The following PARD3B variants were observed in gnomAD, a reference collection of about 807,000 sequenced individuals.
PARD3B encodes par-3 family cell polarity regulator beta.
Under a neutral mutation model 130.2 loss-of-function variants are expected in PARD3B, and 103 were observed. The ratio of observed to expected loss-of-function variants is 0.79; its 90% CI spans 0.67 to 0.93. PARD3B has a LOEUF of 0.93. PARD3B is among the 40% of genes least tolerant of loss of function. The pLI, the probability that PARD3B is intolerant of heterozygous loss-of-function variation, is 0.00. For synonymous variants in PARD3B, 583 were observed against 553.2 expected (o/e 1.05, Z -0.76); for missense variants, 1,609 against 1,499.2 (o/e 1.07, Z -1.21).
intron 20 of PARD3B, among the ~76,000 whole-genome samples, chr2:205,453,504 A>G (rs941196000): frequency 2.0e-5 from 3 of 152,210 alleles, no homozygotes; most frequent in Non-Finnish European, 4.4e-5. Context: ...GAAAGATGAC[A>G]GAAATCCTGT....
chr2:204,910,036 A>G (rs535210250), intron 2 of PARD3B, among the ~76,000 whole-genome samples: 1 of 152,254 alleles, frequency 6.6e-6, no homozygotes, highest in South Asian at 2.1e-4. Context: ...GATGATGAGT[A>G]AAGAAGAGTA....
intron 1 of PARD3B, among the ~76,000 whole-genome samples, chr2:204,683,936 C>T (rs2036957436): frequency 6.6e-6 from 1 of 152,172 alleles, no homozygotes; most frequent in African/African-American, 2.4e-5. Flanking sequence ...AGTTTCAACT[C>T]CGTGTCTTAT....
intron 2 of PARD3B, among the ~76,000 whole-genome samples, chr2:204,800,832 T>G (rs914286307): frequency 1.3e-5 from 2 of 152,242 alleles, no homozygotes; most frequent in East Asian, 1.9e-4. Flanking sequence ...TTCTAGGATT[T>G]TTATGGTTTT....
intron 4 of PARD3B, among the ~76,000 whole-genome samples, chr2:205,070,539 T>C (rs930227456): frequency 2.6e-5 from 4 of 152,176 alleles, no homozygotes; most frequent in African/African-American, 4.8e-5. Flanking sequence ...CTGTAGGTTC[T>C]GTTAGCTGAA....
In PARD3B at chr2:204,706,211, C is replaced by G. The variant is rs146885603; in HGVS notation, c.222+19929C>G. Among the ~76,000 whole-genome samples the G allele has an allele frequency of 2.6e-4, 39 of 151,622 alleles. No individual in the cohort carries two copies. In the East Asian group the frequency reaches 7.6e-3, roughly 29 times the overall value. On this transcript the variant is annotated intron_variant, in intron 2 of 22. Transcript: ENST00000406610. ...TGAAACGCTGTCTCTACTAAAAATA[C>G]AAAAAATTAGCCGGGCATGGTGGCA...
At chr2:205,368,488 C>T (rs982525102) in intron 18 of PARD3B, among the ~76,000 whole-genome samples, 10 of 151,874 alleles carry the variant, frequency 6.6e-5, no homozygotes, top group Admixed American at 5.9e-4. Context: ...CAAAATTAGC[C>T]GTGCGTGATG....
chr2:205,185,705 C>T lies in PARD3B; in HGVS notation c.1925-59C>T, dbSNP rs991970133. 6 of 1,437,124 alleles carry T rather than the reference C, an allele frequency of 4.2e-6. No individual in the cohort carries two copies. The African/African-American group carries it at 5.6e-5, about 13-fold the overall frequency. 89.0% of individuals were successfully genotyped at this position (1,437,124 alleles called of 1,614,324 possible). A position where few individuals can be genotyped will look rare whatever the true frequency, so the allele number is the denominator to read the frequency against. On this transcript the variant is annotated intron_variant, in intron 13 of 22. Coordinates refer to ENST00000406610, the MANE Select transcript of PARD3B (RefSeq NM_001302769.2). Reference sequence around the variant, plus strand: ...GTCTGAGAGAGATACTGAAACCAAACCAGGCATCGAATGGTTCTGCTTCCA... The same window carrying T: ...GTCTGAGAGAGATACTGAAACCAAATCAGGCATCGAATGGTTCTGCTTCCA...
intron 15 of PARD3B, among the ~76,000 whole-genome samples, chr2:205,195,731 T>G (rs2036645735): frequency 1.3e-5 from 2 of 152,176 alleles, no homozygotes; most frequent in Admixed American, 1.3e-4. Flanking sequence ...TTTAACATTC[T>G]TTAAAACGTC....
intron 2 of PARD3B, among the ~76,000 whole-genome samples, chr2:204,955,973 A>C (rs142642016): frequency 3.3e-5 from 5 of 152,122 alleles, no homozygotes; most frequent in Admixed American, 1.3e-4. Context: ...ATGATGAAGA[A>C]CTTGAAGCTG....
intron 4 of PARD3B, among the ~76,000 whole-genome samples, chr2:205,053,155 C>T (rs1336229917): frequency 6.6e-6 from 1 of 152,048 alleles, no homozygotes; most frequent in African/African-American, 2.4e-5. Flanking sequence ...ATATGTCACA[C>T]ATTTTCCCAT....
At chr2:204,680,703 T>G (rs574310237) in intron 1 of PARD3B, among the ~76,000 whole-genome samples, 1 of 152,266 alleles carries the variant, frequency 6.6e-6, no homozygotes, top group Admixed American at 6.5e-5. Flanking sequence ...TTTGCTATTT[T>G]AATTACTAGA....
intron 22 of PARD3B, among the ~76,000 whole-genome samples, chr2:205,586,372 A>G (rs537419941): frequency 6.6e-6 from 1 of 152,318 alleles, no homozygotes; most frequent in East Asian, 1.9e-4. Context: ...ATGTCAACTT[A>G]CCATAATTCT....
chr2:205,250,385 T>C (rs923098975), intron 16 of PARD3B, among the ~76,000 whole-genome samples: 1 of 152,118 alleles, frequency 6.6e-6, no homozygotes, highest in Non-Finnish European at 1.5e-5. Context: ...ATTAGCAAAA[T>C]GGACTAAAAA....
rs563471276 is a variant in PARD3B at position 204,809,501 on chromosome 2, C to T, written c.222+123219C>T. Among the ~76,000 whole-genome samples the T allele has an allele frequency of 4.6e-5, 7 of 152,104 alleles. No homozygotes were observed. In the East Asian group the frequency reaches 1.4e-3, roughly 29 times the overall value. ...CTTGAATCTTCTGCATAGAGTTAGC[C>T]AGTTATCTCAGCACCGTTTATTGAA... On this transcript the variant is annotated intron_variant, in intron 2 of 22. Transcript: ENST00000406610.
At chr2:204,560,091 G>T (rs1328138826) in intron 1 of PARD3B, among the ~76,000 whole-genome samples, 2 of 152,120 alleles carry the variant, frequency 1.3e-5, no homozygotes, top group African/African-American at 4.8e-5. Context: ...TAATGTAAAT[G>T]ACAGGTTGAT....
chr2:204,690,749 A>T (rs895229120), intron 2 of PARD3B, among the ~76,000 whole-genome samples: 1 of 152,180 alleles, frequency 6.6e-6, no homozygotes, highest in African/African-American at 2.4e-5. Flanking sequence ...TTGCTACAGC[A>T]GCAATAGGAC....
chr2:205,417,868 G>C (rs1178867062), intron 19 of PARD3B, among the ~76,000 whole-genome samples: 2 of 152,210 alleles, frequency 1.3e-5, no homozygotes, highest in Non-Finnish European at 2.9e-5. Flanking sequence ...CCCCAGTGGA[G>C]GCCTTTATTG....
chr2:205,463,073 T>G lies in PARD3B; in HGVS notation c.3044+22401T>G, dbSNP rs1010494334. On this transcript the variant is annotated intron_variant, in intron 20 of 22. Transcript: ENST00000406610. The surrounding 1 kb of genome is among the most constrained non-coding windows in gnomAD (Gnocchi z 4.8). ...TCTCAGCATCAACTGACAATTATTT[T>G]TTTTGCCCTCAATATCCTTCCCTGC... Among the ~76,000 whole-genome samples the G allele has an allele frequency of 6.6e-6, 1 of 152,186 alleles. No individual in the cohort carries two copies. The highest frequency in any genetic ancestry group is 2.4e-5 in the African/African-American group (1 of 41,436).
intron 3 of PARD3B, among the ~76,000 whole-genome samples, chr2:205,007,781 T>C (rs1045741728): frequency 6.6e-6 from 1 of 152,224 alleles, no homozygotes; most frequent in East Asian, 1.9e-4. Flanking sequence ...CTTTGGGCAG[T>C]ATGATCTCAT....
Sources: allele counts gnomAD v4.1 joint callset (sites outside exome capture counted in the v4.1 genomes callset), GRCh38; gene constraint gnomAD v4.1.1; non-coding constraint Gnocchi (gnomAD v3.1); transcripts MANE v1.5; gene names NCBI Gene and HGNC (gene_info 2026-07-23, HGNC 2026-07-21).